Variants in DCDC1 observed in about 807,000 individuals in gnomAD.
The protein encoded by DCDC1 is doublecortin domain-containing protein 1.
A neutral mutation model predicts 178.3 loss-of-function variants in DCDC1; 200 were observed. That is an observed-to-expected ratio of 1.12 (90% confidence interval 1.00 to 1.26). The LOEUF (loss-of-function observed/expected upper bound fraction) is 1.26, where lower values mean the gene tolerates loss of function less well. Among genes scored for constraint, DCDC1 ranks in the 50% most tolerant of loss-of-function variants. The pLI is 0.00. For missense variants in DCDC1, 1,983 were observed against 1,749.2 expected, an observed-to-expected ratio of 1.13 and a Z score of -2.38; for synonymous variants, 690 against 604.8, an observed-to-expected ratio of 1.14 and a Z score of -2.07.
chr11:31,329,336 C>G (rs73463072), intron 2 of DCDC1, among the ~76,000 whole-genome samples: 2 of 152,066 alleles, frequency 1.3e-5, no homozygotes, highest in Admixed American at 1.3e-4. Flanking sequence ...TAGTTTCCTA[C>G]GTACATAAGC....
chr11:31,140,619 A>G (rs1963703445), intron 9 of DCDC1, among the ~76,000 whole-genome samples: 3 of 152,238 alleles, frequency 2.0e-5, no homozygotes, highest in African/African-American at 7.2e-5. Flanking sequence ...AGTCAAGAAC[A>G]GTATCCAAAA....
chr11:30,918,780 G>C (rs1946039334), intron 25 of DCDC1, among the ~76,000 whole-genome samples: 1 of 152,168 alleles, frequency 6.6e-6, no homozygotes, highest in Admixed American at 6.5e-5. Flanking sequence ...GAGGTGGGCA[G>C]GTACCTGTGA....
chr11:31,169,334 T>G (rs1241582086), intron 9 of DCDC1, among the ~76,000 whole-genome samples: 2 of 152,210 alleles, frequency 1.3e-5, no homozygotes, highest in East Asian at 3.8e-4. Context: ...ACATTCTGTA[T>G]GTATACCACT....
chr11:31,053,876 G>A (rs1955422364), intron 20 of DCDC1, among the ~76,000 whole-genome samples: 1 of 151,766 alleles, frequency 6.6e-6, no homozygotes. Flanking sequence ...TACCGAATGG[G>A]GAAAAGTTGA....
intron 9 of DCDC1, among the ~76,000 whole-genome samples, chr11:31,212,754 T>A (rs993895811): frequency 1.3e-5 from 2 of 152,158 alleles, no homozygotes; most frequent in African/African-American, 4.8e-5. Flanking sequence ...GGGGAAAAAA[T>A]AAATCTGTAT....
At position 30,888,060 on chromosome 11, in the gene DCDC1, A is replaced by AAGAAAG. The variant is rs756638479; in HGVS notation, c.5082+4757_5082+4758insCTTTCT. 1.3e-3 allele frequency among the ~76,000 whole-genome samples: 98 copies of AAGAAAG among 73,456 alleles called. 1 individual carries two copies. The highest frequency in any genetic ancestry group is 5.7e-3 in the African/African-American group (83 of 14,684). The allele number at this position is 73,456 out of a possible 152,430, so 48.2% of individuals were successfully genotyped here. On this transcript the variant is annotated intron_variant, in intron 36 of 38. Transcript: ENST00000684477. Reference sequence around the variant, plus strand: ...AAAGAAAGAAAGAAAGAAAGAAAGAAAGAGAGAGAGAGAGAGAGAGAGAGA... The same window carrying AAGAAAG: ...AAAGAAAGAAAGAAAGAAAGAAAGAAAGAAAGAGAGAGAGAGAGAGAGAGAGAGAGA...
intron 9 of DCDC1, among the ~76,000 whole-genome samples, chr11:31,156,788 A>T (rs1013884758): frequency 7.9e-5 from 12 of 152,220 alleles, no homozygotes; most frequent in Admixed American, 2.0e-4. Context: ...TTTAAAGATG[A>T]TAACTGCCAC....
chr11:31,099,865 T>C (rs1488441935), intron 15 of DCDC1, among the ~76,000 whole-genome samples: 1 of 151,846 alleles, frequency 6.6e-6, no homozygotes. Flanking sequence ...ACCACAGGCA[T>C]GCACCACCAC....
At chr11:31,107,085 A>T in intron 12 of DCDC1, 125 bp from the exon 13 acceptor site, 1 of 601,556 alleles carries the variant, frequency 1.7e-6, no homozygotes, top group Non-Finnish European at 2.9e-6. Flanking sequence ...TTAAATTCAT[A>T]TAGAATGTTA....
At chr11:31,040,993 A>G (rs2135347193) in intron 20 of DCDC1, among the ~76,000 whole-genome samples, 1 of 152,350 alleles carries the variant, frequency 6.6e-6, no homozygotes, top group South Asian at 2.1e-4. Flanking sequence ...ATGCTCATCC[A>G]GAAGCATTAT....
At chr11:31,104,698 T>C (rs1456427007) in intron 13 of DCDC1, among the ~76,000 whole-genome samples, 2 of 152,070 alleles carry the variant, frequency 1.3e-5, no homozygotes, top group Admixed American at 6.5e-5. Flanking sequence ...TGGTGACACA[T>C]AACTCTTCTT....
At chr11:31,118,920 A>G (rs1175437241) in intron 11 of DCDC1, among the ~76,000 whole-genome samples, 2 of 152,198 alleles carry the variant, frequency 1.3e-5, no homozygotes, top group Non-Finnish European at 2.9e-5. Flanking sequence ...GCACATCTTG[A>G]AAAGGAAGAT....
intron 17 of DCDC1, among the ~76,000 whole-genome samples, chr11:31,084,984 T>C (rs944823922): frequency 2.6e-5 from 4 of 151,256 alleles, no homozygotes; most frequent in Non-Finnish European, 5.9e-5. Flanking sequence ...GTGTGCCTAG[T>C]GAGAGTCCTG....
chr11:30,920,365 C>T lies in DCDC1; in HGVS notation c.3293+411G>A, dbSNP rs140949268. Among the ~76,000 whole-genome samples, 847 of 152,114 alleles carry T rather than the reference C, an allele frequency of 5.6e-3. 7 individuals are homozygous for T. The highest frequency in any genetic ancestry group is 4.8e-3 in the Non-Finnish European group (328 of 67,994). On this transcript the variant is annotated intron_variant, in intron 25 of 38. Coordinates refer to ENST00000684477, the MANE Select transcript of DCDC1 (RefSeq NM_001387274.1). ...GAGGGGAATTGGAAGGAAGATATTA[C>T]GGCAATAGAGAGAAATCAGAAAGCT... is the stretch of plus-strand genomic sequence containing the variant.
chr11:30,991,129 G>C (rs191832736), intron 20 of DCDC1, among the ~76,000 whole-genome samples: 141 of 152,226 alleles, frequency 9.3e-4, no homozygotes, highest in African/African-American at 3.2e-3. Context: ...ACCATGAGGA[G>C]GCTGGCTTGA....
chr11:31,248,734 T>A (rs1474994583), intron 8 of DCDC1, among the ~76,000 whole-genome samples: 1 of 152,120 alleles, frequency 6.6e-6, no homozygotes, highest in African/African-American at 2.4e-5. Flanking sequence ...AATGGAGGAT[T>A]CCCTTTGACA....
chr11:30,999,452 G>A (rs996619243), intron 20 of DCDC1, among the ~76,000 whole-genome samples: 4 of 152,012 alleles, frequency 2.6e-5, no homozygotes, highest in African/African-American at 4.8e-5. Flanking sequence ...GCCTTATGTC[G>A]AATCTAATTT....
At chr11:30,942,668 T>C (rs991539167) in intron 21 of DCDC1, among the ~76,000 whole-genome samples, 2 of 152,188 alleles carry the variant, frequency 1.3e-5, no homozygotes, top group African/African-American at 4.8e-5. Context: ...TATTTCTACA[T>C]TTTCTCACTT....
intron 20 of DCDC1, among the ~76,000 whole-genome samples, chr11:31,048,111 C>A (rs775014386): frequency 6.6e-6 from 1 of 152,076 alleles, no homozygotes; most frequent in Admixed American, 6.5e-5. Context: ...TATCTTACCC[C>A]AAATCATACA....
Sources: allele counts gnomAD v4.1 joint callset (sites outside exome capture counted in the v4.1 genomes callset), GRCh38; gene constraint gnomAD v4.1.1; transcripts MANE v1.5; gene names NCBI Gene and HGNC (gene_info 2026-07-23, HGNC 2026-07-21).